Variants in SYNE2 observed in about 807,000 individuals in gnomAD.
The protein encoded by SYNE2 is spectrin repeat containing nuclear envelope protein 2, also known as nesprin-2.
Under a neutral mutation model 856.3 loss-of-function variants are expected in SYNE2, and 431 were observed. That is an observed-to-expected ratio of 0.50 (90% CI 0.47 to 0.55). The LOEUF is 0.55. Ranked by LOEUF, SYNE2 falls within the 20% of genes least tolerant of loss-of-function variation. The pLI is 0.00. For synonymous variants in SYNE2, 2,923 were observed against 2,872.3 expected (o/e 1.02, Z -0.56); for missense variants, 8,129 against 8,023.2 (o/e 1.01, Z -0.50).
chr14:64,195,659 T>C (rs1045562961), intron 99 of SYNE2, among the ~76,000 whole-genome samples: 2 of 152,240 alleles, frequency 1.3e-5, no homozygotes, highest in Non-Finnish European at 2.9e-5. Context: ...CAGTTGTGTG[T>C]TAAGATTGTT....
At position 64,223,080 on chromosome 14, in the gene SYNE2, C is replaced by CT. The variant is rs1490268549; in HGVS notation, c.20191-108dup. The CT allele has an allele frequency of 9.9e-5, 107 of 1,080,476 alleles. 1 individual carries two copies. The highest frequency in any genetic ancestry group is 1.5e-4 in the Non-Finnish European group (105 of 705,664). The allele number at this position is 1,080,476 out of a possible 1,614,324, so 66.9% of individuals were successfully genotyped here. On this transcript the variant is annotated intron_variant, in intron 112 of 115. Coordinates refer to ENST00000555002, the MANE Select transcript of SYNE2 (RefSeq NM_182914.3). ...AAATAGAGGATTCTCGAGTTGAGTACTACCCATCATTCATTCTGGAATTTT... is the reference window on the plus strand; with the variant it reads ...AAATAGAGGATTCTCGAGTTGAGTACTTACCCATCATTCATTCTGGAATTTT...
chr14:63,875,534 C>T (rs940581146), intron 1 of SYNE2, among the ~76,000 whole-genome samples: 1 of 152,046 alleles, frequency 6.6e-6, no homozygotes, highest in Admixed American at 6.6e-5. Context: ...CAGTGGTATT[C>T]CTGGACTAGC....
intron 1 of SYNE2, among the ~76,000 whole-genome samples, chr14:63,894,205 ATT>A (rs760402717): frequency 1.8e-4 from 25 of 139,668 alleles, no homozygotes; most frequent in Middle Eastern, 3.7e-3. Flanking sequence ...CATTTTATGG[ATT>A]TTTTTTTTTT....
At position 64,113,577 on chromosome 14, in the gene SYNE2, A is replaced by T; in HGVS notation, c.12840+6A>T. The stretch of plus-strand genomic sequence containing the variant: ...AGCAGCTGGTAGGGTGCCAGGTAAG[A>T]CTGAGAAGTCAGAGTTCATGGTTTG... On this transcript the variant is annotated splice_donor_region_variant and intron_variant, in intron 66 of 115. Transcript: ENST00000555002. 1 of 1,598,448 alleles carries T rather than the reference A, an allele frequency of 6.3e-7. No individual in the cohort carries two copies.
At chr14:63,835,217 T>C (rs1322106436) in intron 1 of SYNE2, among the ~76,000 whole-genome samples, 1 of 152,008 alleles carries the variant, frequency 6.6e-6, no homozygotes, top group Non-Finnish European at 1.5e-5. Context: ...AAAGTACATA[T>C]TGATATTTTT....
chr14:63,930,816 G>A (rs941451232), intron 2 of SYNE2, among the ~76,000 whole-genome samples: 3 of 152,124 alleles, frequency 2.0e-5, no homozygotes, highest in Non-Finnish European at 4.4e-5. Flanking sequence ...GATTACAGGC[G>A]TGAGCCACCA....
chr14:63,990,172 C>G (rs1456366068), intron 19 of SYNE2, among the ~76,000 whole-genome samples: 1 of 152,134 alleles, frequency 6.6e-6, no homozygotes, highest in Non-Finnish European at 1.5e-5. Flanking sequence ...GTATTACTTT[C>G]ATTCTTTATT....
At chr14:63,849,221 A>G (rs766337147), upstream of SYNE2, among the ~76,000 whole-genome samples, 2 of 151,718 alleles carry the variant, frequency 1.3e-5, no homozygotes, top group African/African-American at 4.8e-5. Flanking sequence ...CTTGAGTTAG[A>G]CAGAGATAGC....
chr14:63,849,072 T>C (rs1210185515), upstream of SYNE2, among the ~76,000 whole-genome samples: 1 of 152,188 alleles, frequency 6.6e-6, no homozygotes, highest in African/African-American at 2.4e-5. Context: ...AAGACCAGAA[T>C]GAGATAAGGA....
At chr14:63,777,212 T>TTAACAAA (rs1887142973) in intron 1 of SYNE2, among the ~76,000 whole-genome samples, 2 of 152,252 alleles carry the variant, frequency 1.3e-5, no homozygotes, top group African/African-American at 4.8e-5. Flanking sequence ...AATTTGCCCT[T>TTAACAAA]GACTGCTATG....
chr14:64,146,031 C>G, intron 83 of SYNE2, 37 bp from the exon 84 acceptor site: 6 of 1,425,984 alleles, frequency 4.2e-6, no homozygotes, highest in Non-Finnish European at 5.7e-6. Flanking sequence ...TTAAAACATA[C>G]ATTTTAACAT....
At chr14:63,932,411 GA>G (rs2153401092) in intron 2 of SYNE2, among the ~76,000 whole-genome samples, 1 of 152,068 alleles carries the variant, frequency 6.6e-6, no homozygotes, top group Non-Finnish European at 1.5e-5. Flanking sequence ...AAACAAAAAA[GA>G]AAGGGGACTT....
intron 2 of SYNE2, among the ~76,000 whole-genome samples, chr14:63,913,040 C>T (rs1179288687): frequency 6.6e-6 from 1 of 151,958 alleles, no homozygotes; most frequent in African/African-American, 2.4e-5. Flanking sequence ...CTCAAGTGAT[C>T]TTCCCACCTC....
At chr14:63,989,203 A>G (rs754206055) in intron 19 of SYNE2, among the ~76,000 whole-genome samples, 5 of 152,140 alleles carry the variant, frequency 3.3e-5, no homozygotes, top group Non-Finnish European at 7.4e-5. Flanking sequence ...TTCTGTGTCA[A>G]ATATTTTTGC....
chr14:64,014,083 TA>T (rs1211234100), intron 32 of SYNE2, among the ~76,000 whole-genome samples: 8 of 152,044 alleles, frequency 5.3e-5, no homozygotes, highest in Non-Finnish European at 1.0e-4. Flanking sequence ...TTAAAAATGT[TA>T]AAAAATATTT....
chr14:63,889,319 T>A (rs555456670), intron 1 of SYNE2, among the ~76,000 whole-genome samples: 4 of 152,200 alleles, frequency 2.6e-5, no homozygotes, highest in South Asian at 2.1e-4. Context: ...ACAGTATTTT[T>A]AAAAATCCTC....
In SYNE2 at chr14:64,138,858, G is replaced by T. The variant is rs1057161065; in HGVS notation, c.14843+875G>T. On this transcript the variant is annotated intron_variant, in intron 79 of 115. Coordinates refer to ENST00000555002, the MANE Select transcript of SYNE2 (RefSeq NM_182914.3). ...TATTTTCACTACCTCGGGCAAATAC[G>T]TTGGGTGTTCAGCCAGCAGCAGTTT... 2.0e-5 allele frequency among the ~76,000 whole-genome samples: 3 copies of T among 151,568 alleles called. No individual in the cohort carries two copies. In the East Asian group the frequency reaches 5.8e-4, roughly 29 times the overall value.
chr14:63,938,064 T>C (rs2095854629), intron 2 of SYNE2, among the ~76,000 whole-genome samples: 1 of 151,964 alleles, frequency 6.6e-6, no homozygotes, highest in African/African-American at 2.4e-5. Context: ...GACAGCAAGG[T>C]GATTGACGCA....
intron 2 of SYNE2, among the ~76,000 whole-genome samples, chr14:63,931,134 AC>A (rs2095748466): frequency 6.6e-6 from 1 of 152,202 alleles, no homozygotes; most frequent in South Asian, 2.1e-4. Flanking sequence ...GGAAAAACTC[AC>A]ACATTTGGTA....
Sources: gnomAD v4.1 joint callset for allele counts (sites outside exome capture counted in the v4.1 genomes callset) on GRCh38, gnomAD v4.1.1 for gene constraint, MANE v1.5 for transcripts, NCBI Gene and HGNC (gene_info 2026-07-23, HGNC 2026-07-21) for gene names.